Variants in AKAP19 observed in about 807,000 individuals in gnomAD.
AKAP19 encodes the protein A-kinase anchoring protein 19.
At chr2:190,078,174 A>G in the AKAP19 span, among the ~76,000 whole-genome samples, 1 of 152,186 alleles carries the variant, frequency 6.6e-6, no homozygotes. Context: ...TGACTTAGCA[A>G]GATGGCTTTT....
chr2:190,181,290 A>C, the AKAP19 span: 1 of 350,706 alleles, frequency 2.9e-6, no homozygotes, highest in Non-Finnish European at 4.0e-6. Flanking sequence ...CCGTCCCCTA[A>C]TCGAGAAGAG....
the AKAP19 span, among the ~76,000 whole-genome samples, chr2:189,896,951 T>G: frequency 6.6e-6 from 1 of 152,212 alleles, no homozygotes; most frequent in East Asian, 1.9e-4. Context: ...TCAAAATCAG[T>G]AATGCAATAT....
chr2:190,136,964 G>A, the AKAP19 span, among the ~76,000 whole-genome samples: 4 of 152,330 alleles, frequency 2.6e-5, no homozygotes, highest in African/African-American at 9.6e-5. Flanking sequence ...GCTCCTTTGA[G>A]GAAAAGATTG....
the AKAP19 span, among the ~76,000 whole-genome samples, chr2:190,182,506 G>T: frequency 2.5e-4 from 38 of 152,284 alleles, 1 homozygote; most frequent in South Asian, 7.7e-3. Context: ...TAGGGTTACT[G>T]TGAGGATTAA....
the AKAP19 span, among the ~76,000 whole-genome samples, chr2:190,005,768 G>A: frequency 2.0e-5 from 3 of 152,284 alleles, no homozygotes; most frequent in South Asian, 2.1e-4. Flanking sequence ...AATGCAAATG[G>A]CAAGCTTCAT....
chr2:190,169,125 T>C, the AKAP19 span, among the ~76,000 whole-genome samples: 2 of 152,160 alleles, frequency 1.3e-5, no homozygotes, highest in Admixed American at 1.3e-4. Context: ...CTCACAATGA[T>C]GGCAGAAGGT....
the AKAP19 span, among the ~76,000 whole-genome samples, chr2:190,170,592 C>T: frequency 1.3e-5 from 2 of 152,164 alleles, no homozygotes; most frequent in African/African-American, 4.8e-5. Context: ...CCCCCATCCC[C>T]AACCAGGACC....
At chr2:190,062,640 C>T in the AKAP19 span, 2 of 1,589,432 alleles carry the variant, frequency 1.3e-6, no homozygotes, top group South Asian at 2.3e-5. Flanking sequence ...CTTGTTTCTT[C>T]CTTTTACTTT....
chr2:190,132,302 T>G, the AKAP19 span, among the ~76,000 whole-genome samples: 1 of 152,070 alleles, frequency 6.6e-6, no homozygotes, highest in East Asian at 1.9e-4. Flanking sequence ...ATACTAAAAT[T>G]TGTATGGAAC....
chr2:189,989,377 A>G, the AKAP19 span, among the ~76,000 whole-genome samples: 2 of 152,186 alleles, frequency 1.3e-5, no homozygotes, highest in East Asian at 3.8e-4. Flanking sequence ...AAGTATTTTC[A>G]ATAAATGTAA....
the AKAP19 span, among the ~76,000 whole-genome samples, chr2:190,048,664 A>G: frequency 6.6e-6 from 1 of 152,344 alleles, no homozygotes; most frequent in South Asian, 2.1e-4. Flanking sequence ...GCAACTTGGA[A>G]GTGTGTTTAA....
the AKAP19 span, among the ~76,000 whole-genome samples, chr2:189,973,090 G>T: frequency 1.3e-5 from 2 of 152,112 alleles, no homozygotes; most frequent in Non-Finnish European, 2.9e-5. Flanking sequence ...TCCAGTTTTT[G>T]CCCATTCAGT....
At chr2:190,036,847 G>T in the AKAP19 span, among the ~76,000 whole-genome samples, 3 of 152,134 alleles carry the variant, frequency 2.0e-5, no homozygotes, top group Admixed American at 1.3e-4. Context: ...CTTCCCAAAA[G>T]ATTAAGTTCA....
chr2:189,953,806 A>G, the AKAP19 span, among the ~76,000 whole-genome samples: 6,328 of 152,270 alleles, frequency 0.042, 418 homozygotes, highest in African/African-American at 0.14. Flanking sequence ...TCTAATGGCT[A>G]ACAGCTGGTA....
At chr2:190,120,074 C>T in the AKAP19 span, among the ~76,000 whole-genome samples, 5 of 152,186 alleles carry the variant, frequency 3.3e-5, no homozygotes, top group Non-Finnish European at 5.9e-5. Flanking sequence ...CGGTACCAGT[C>T]CGTGGCCTGT....
the AKAP19 span, among the ~76,000 whole-genome samples, chr2:190,036,429 C>T: frequency 6.6e-6 from 1 of 152,128 alleles, no homozygotes; most frequent in Admixed American, 6.5e-5. Flanking sequence ...AATGAAGCTG[C>T]CTCTAAAGAA....
At chr2:190,124,193 CTGA>C in the AKAP19 span, among the ~76,000 whole-genome samples, 1 of 152,220 alleles carries the variant, frequency 6.6e-6, no homozygotes, top group Non-Finnish European at 1.5e-5. Context: ...GCCAATTCCC[CTGA>C]TAAGTCCCCT....
the AKAP19 span, among the ~76,000 whole-genome samples, chr2:190,094,845 C>T: frequency 3.3e-5 from 5 of 152,144 alleles, no homozygotes; most frequent in South Asian, 1.0e-3. Context: ...AAGTAGGAAA[C>T]AAATGATTAC....
At chr2:190,178,735 G>A in the AKAP19 span, among the ~76,000 whole-genome samples, 27 of 152,224 alleles carry the variant, frequency 1.8e-4, no homozygotes, top group Non-Finnish European at 2.9e-4. This position sits in a 1 kb window ranked among gnomAD's most constrained non-coding sequence, Gnocchi z 6.3. Context: ...CAAACTGAGT[G>A]AAAGAAATTT....
Sources: allele counts gnomAD v4.1 joint callset (sites outside exome capture counted in the v4.1 genomes callset), GRCh38; gene constraint gnomAD v4.1.1; non-coding constraint Gnocchi (gnomAD v3.1); transcripts MANE v1.5; gene names NCBI Gene and HGNC (gene_info 2026-07-23, HGNC 2026-07-21).